CLSTN1: variants seen among roughly 807,000 people sequenced by gnomAD.
CLSTN1 encodes the protein calsyntenin-1.
CLSTN1 carries 28 observed loss-of-function variants against 108.3 expected under a neutral mutation model. The ratio of observed to expected loss-of-function variants is 0.26; its 90% CI spans 0.19 to 0.35. The LOEUF (loss-of-function observed/expected upper bound fraction) is 0.35, where lower values mean the gene tolerates loss of function less well. CLSTN1 is among the 10% of genes least tolerant of loss of function. The pLI, the probability that CLSTN1 is intolerant of heterozygous loss-of-function variation, is 1.00. For missense variants in CLSTN1, 1,157 were observed against 1,302.6 expected (o/e 0.89, Z 1.72); for synonymous variants, 524 against 534.9 (o/e 0.98, Z 0.28).
chr1:9,761,332 A>C (rs1456680629), intron 2 of CLSTN1, among the ~76,000 whole-genome samples: 1 of 152,026 alleles, frequency 6.6e-6, no homozygotes, highest in Non-Finnish European at 1.5e-5. Context: ...GTCTCTACCA[A>C]AAATACAAAA....
intron 2 of CLSTN1, among the ~76,000 whole-genome samples, chr1:9,756,922 G>A (rs1285478989): frequency 3.3e-5 from 5 of 151,884 alleles, no homozygotes; most frequent in African/African-American, 4.8e-5. Context: ...GGGACTACAG[G>A]CGCCCGCCAC....
intron 1 of CLSTN1, among the ~76,000 whole-genome samples, chr1:9,810,781 T>TAAATAAATAAAATTAA (rs1553183604): frequency 6.6e-6 from 1 of 150,636 alleles, no homozygotes; most frequent in Non-Finnish European, 1.5e-5. Context: ...ACTCAAAAAA[T>TAAATAAATAAAATTAA]AAATAAATAA....
chr1:9,789,468 G>A lies in CLSTN1; in HGVS notation c.92-16074C>T, dbSNP rs377250636. ...AAGATACCAAAGTAGACAACAGAGA[G>A]TAAGAAGCCCCATGTGCTCCTCACT... On this transcript the variant is annotated intron_variant, in intron 1 of 18. Coordinates refer to ENST00000377298, the MANE Select transcript of CLSTN1 (RefSeq NM_001009566.3). Among the ~76,000 whole-genome samples the A allele has an allele frequency of 5.9e-5, 9 of 151,544 alleles. No homozygotes were observed. In the East Asian group the frequency reaches 1.8e-3, roughly 30 times the overall value.
At chr1:9,770,916 C>G (rs1652642992) in intron 2 of CLSTN1, among the ~76,000 whole-genome samples, 1 of 152,120 alleles carries the variant, frequency 6.6e-6, no homozygotes, top group African/African-American at 2.4e-5. Flanking sequence ...TTGCTTGAAT[C>G]TGGGAGGCGG....
chr1:9,814,101 CAA>C (rs993709850), intron 1 of CLSTN1, among the ~76,000 whole-genome samples: 1 of 135,446 alleles, frequency 7.4e-6, no homozygotes. Flanking sequence ...GACACTGTCT[CAA>C]AAAAAAAAAG....
At chr1:9,772,474 CAGG>C (rs1220181562) in intron 2 of CLSTN1, among the ~76,000 whole-genome samples, 1 of 151,974 alleles carries the variant, frequency 6.6e-6, no homozygotes, top group Non-Finnish European at 1.5e-5. Context: ...CCCAGCCGTG[CAGG>C]AGAAGATCTG....
At chr1:9,821,923 A>C (rs1441082086) in intron 1 of CLSTN1, among the ~76,000 whole-genome samples, 1 of 152,242 alleles carries the variant, frequency 6.6e-6, no homozygotes, top group Non-Finnish European at 1.5e-5. Context: ...CACCTTTCAC[A>C]CAAGATTTCT....
In CLSTN1 at chr1:9,823,342, G is replaced by A. The variant is rs975659348; in HGVS notation, c.91+301C>T. 6.6e-6 allele frequency among the ~76,000 whole-genome samples: 1 copy of A among 152,156 alleles called. No individual in the cohort carries two copies. Among genetic ancestry groups the A allele is most frequent in the African/African-American group, 2.4e-5 (1 of 41,460 alleles). On this transcript the variant is annotated intron_variant, in intron 1 of 18. Transcript: ENST00000377298. The surrounding 1 kb of genome is among the most constrained non-coding windows in gnomAD (Gnocchi z 6.3). ...CAGCCACCACCATGGGCTGCAGTGG[G>A]GGCAGCCCAGGCTCAGGAGCCCCGC...
intron 1 of CLSTN1, among the ~76,000 whole-genome samples, chr1:9,774,103 T>C (rs1652825004): frequency 6.6e-6 from 1 of 152,082 alleles, no homozygotes; most frequent in Non-Finnish European, 1.5e-5. Flanking sequence ...AGTGGTAGGA[T>C]CTCAGCTCAC....
intron 1 of CLSTN1, among the ~76,000 whole-genome samples, chr1:9,795,022 A>G (rs76870666): frequency 1.0e-5 from 1 of 97,244 alleles, no homozygotes; most frequent in Non-Finnish European, 1.8e-5. Flanking sequence ...GGCTAATCAG[A>G]AAAAAAAAAA....
intron 2 of CLSTN1, among the ~76,000 whole-genome samples, chr1:9,771,147 T>C (rs1031865332): frequency 6.6e-6 from 1 of 152,166 alleles, no homozygotes; most frequent in African/African-American, 2.4e-5. Flanking sequence ...AATCACTTCT[T>C]GAAATGCGTA....
intron 2 of CLSTN1, among the ~76,000 whole-genome samples, chr1:9,767,308 C>A (rs1379886546): frequency 6.6e-6 from 1 of 152,092 alleles, no homozygotes; most frequent in African/African-American, 2.4e-5. Context: ...TTTGGGAGGC[C>A]GAGGCGGGCA....
chr1:9,761,206 T>C (rs979519828), intron 2 of CLSTN1, among the ~76,000 whole-genome samples: 8 of 152,018 alleles, frequency 5.3e-5, no homozygotes, highest in African/African-American at 1.9e-4. Flanking sequence ...CTTAAGAAAT[T>C]TGAGGAGCAG....
chr1:9,798,250 G>A (rs537406506), intron 1 of CLSTN1, among the ~76,000 whole-genome samples: 2 of 152,216 alleles, frequency 1.3e-5, no homozygotes, highest in East Asian at 1.9e-4. Flanking sequence ...ACATCCAAAA[G>A]AACTGAAAAC....
At chr1:9,820,716 G>A (rs1350170897) in intron 1 of CLSTN1, among the ~76,000 whole-genome samples, 5 of 152,072 alleles carry the variant, frequency 3.3e-5, no homozygotes, top group African/African-American at 7.2e-5. Flanking sequence ...CTGGTGACGG[G>A]AAACATATGC....
rs140099588 is a variant in CLSTN1, at chr1:9,741,154, C to T, written c.1459G>A (p.Asp487Asn). 3 of 1,614,004 alleles carry T rather than the reference C, an allele frequency of 1.9e-6. No individual in the cohort carries two copies. The African/African-American group carries it at 4.0e-5, about 22-fold the overall frequency. ...TSHEPFSVTE[D>N]YPLHPSKIET... Reference sequence around the variant, plus strand: ...ATCTTGGATGGATGGAGCGGGTAATCCTCAGTCACAGAGAAGGGCTCGTGG... The same window carrying T: ...ATCTTGGATGGATGGAGCGGGTAATTCTCAGTCACAGAGAAGGGCTCGTGG... Residue 487 changes from aspartate to asparagine, a missense_variant, in exon 10 of 19, where the codon GAT (aspartate) becomes AAT (asparagine). Asp to Asn is a conservative substitution (Grantham distance 23). Coordinates refer to ENST00000377298, the MANE Select transcript of CLSTN1 (RefSeq NM_001009566.3).
intron 2 of CLSTN1, among the ~76,000 whole-genome samples, chr1:9,772,837 G>C (rs1652755362): frequency 6.6e-6 from 1 of 152,166 alleles, no homozygotes; most frequent in Non-Finnish European, 1.5e-5. Flanking sequence ...TCTAGGTAAT[G>C]CAAGGAACCC....
chr1:9,785,345 T>C (rs74424150), intron 1 of CLSTN1, among the ~76,000 whole-genome samples: 20 of 152,056 alleles, frequency 1.3e-4, no homozygotes, highest in Admixed American at 9.8e-4. Flanking sequence ...TTTTTTTTTT[T>C]CCAAAGACTG....
chr1:9,807,454 CT>C (rs1260282454), intron 1 of CLSTN1, among the ~76,000 whole-genome samples: 1 of 152,212 alleles, frequency 6.6e-6, no homozygotes, highest in East Asian at 1.9e-4. Context: ...ATTTTTTACA[CT>C]GACTTTAGTA....
Sources: allele counts gnomAD v4.1 joint callset (sites outside exome capture counted in the v4.1 genomes callset), GRCh38; gene constraint gnomAD v4.1.1; non-coding constraint Gnocchi (gnomAD v3.1); transcripts MANE v1.5; gene names NCBI Gene and HGNC (gene_info 2026-07-23, HGNC 2026-07-21).